TAB2: variants seen among roughly 807,000 people sequenced by gnomAD.
TAB2 encodes TGF-beta-activated kinase 1 and MAP3K7-binding protein 2.
TAB2 carries 3 observed loss-of-function variants against 65.0 expected under a neutral mutation model. The observed-to-expected ratio is 0.05, with a 90% CI of 0.02 to 0.12. The LOEUF is 0.12. Among genes scored for constraint, TAB2 ranks in the 10% least tolerant of loss-of-function variants. The probability of loss-of-function intolerance (pLI) is 1.00; values close to 1 mark genes in which losing one functional copy is unlikely to be tolerated. For missense variants in TAB2, 623 were observed against 840.3 expected, an observed-to-expected ratio of 0.74 and a Z score of 3.20; for synonymous variants, 298 against 285.1, an observed-to-expected ratio of 1.05 and a Z score of -0.46.
intron 1 of TAB2, among the ~76,000 whole-genome samples, chr6:149,268,728 G>A (rs1281515620): frequency 6.6e-6 from 1 of 152,216 alleles, no homozygotes; most frequent in African/African-American, 2.4e-5. Context: ...ACTTGCTGTG[G>A]TGGAGTATGC....
chr6:149,376,694 C>T (rs183806223), intron 2 of TAB2, among the ~76,000 whole-genome samples: 156 of 152,332 alleles, frequency 1.0e-3, no homozygotes, highest in South Asian at 3.5e-3. Flanking sequence ...GGCATGTACT[C>T]ATGTTACCTT....
chr6:149,397,235 A>G (rs574750016), intron 3 of TAB2, among the ~76,000 whole-genome samples: 1 of 152,338 alleles, frequency 6.6e-6, no homozygotes, highest in African/African-American at 2.4e-5. Flanking sequence ...TGGGGTCCAG[A>G]GTTCGAGACC....
At chr6:149,405,358 G>A (rs1229799311) in intron 6 of TAB2, among the ~76,000 whole-genome samples, 3 of 152,166 alleles carry the variant, frequency 2.0e-5, no homozygotes, top group African/African-American at 7.2e-5. Context: ...CAGCATGCAG[G>A]TTCAAAAACT....
At chr6:149,386,025 C>G (rs1193007040) in intron 3 of TAB2, among the ~76,000 whole-genome samples, 1 of 152,068 alleles carries the variant, frequency 6.6e-6, no homozygotes. Context: ...ATCCCCTTCC[C>G]ATTATATTCC....
chr6:149,312,856 A>T (rs1779188854), upstream of TAB2, among the ~76,000 whole-genome samples: 1 of 152,220 alleles, frequency 6.6e-6, no homozygotes, highest in Non-Finnish European at 1.5e-5. Context: ...GTTATTTTTT[A>T]TGGTGAGAAC....
chr6:149,302,953 T>C (rs1202124577), intron 1 of TAB2, among the ~76,000 whole-genome samples: 2 of 152,256 alleles, frequency 1.3e-5, no homozygotes, highest in African/African-American at 4.8e-5. Flanking sequence ...TCCTGAGCTC[T>C]GCCTCCTGTC....
chr6:149,326,930 A>G (rs2114742282), intron 1 of TAB2, among the ~76,000 whole-genome samples: 1 of 152,342 alleles, frequency 6.6e-6, no homozygotes, highest in South Asian at 2.1e-4. Flanking sequence ...TAACATTTTC[A>G]CATCCTTTTG....
intron 1 of TAB2, chr6:149,247,766 T>C (rs1463812678): frequency 1.3e-5 from 2 of 152,206 alleles, no homozygotes; most frequent in African/African-American, 4.8e-5. Flanking sequence ...CAGGGAGAAG[T>C]GCATCCAGTC....
intron 1 of TAB2, among the ~76,000 whole-genome samples, chr6:149,290,771 G>A (rs1778761846): frequency 6.6e-6 from 1 of 152,190 alleles, no homozygotes; most frequent in South Asian, 2.1e-4. Context: ...CTTGAGCCTG[G>A]GAGGCAGAGG....
rs767642464 is a variant in TAB2, at chr6:149,324,202, C to CAG, written c.-90+6203_-90+6204dup. Among the ~76,000 whole-genome samples the CAG allele has an allele frequency of 1.8e-3, 265 of 149,888 alleles. 1 individual carries two copies. Among genetic ancestry groups the CAG allele is most frequent in the South Asian group, 3.6e-3 (17 of 4,762 alleles). On this transcript the variant is annotated intron_variant, in intron 1 of 6. Coordinates refer to ENST00000637181, the MANE Select transcript of TAB2 (RefSeq NM_001292034.3). ...TAAAGTAGAGGTTGGAAAGGTCCTG[C>CAG]AGAGAGAGAGAGAGAGAAGCAGCAA...
At position 149,378,062 on chromosome 6, in the gene TAB2, G is replaced by A; in HGVS notation, c.147G>A (p.Glu49=). Residue 49 remains glutamate, a synonymous_variant, in exon 3 of 7, where the codon GAG becomes GAA. Transcript: ENST00000637181. ...LDACCAVLSQ[E]STRYLYGEGD... is the part of the protein sequence containing the mutation. ...CCTGCTGTGCTGTTCTCTCTCAGGAGAGTACAAGATATCTTTATGGTGAAG... is the reference window on the plus strand; with the variant it reads ...CCTGCTGTGCTGTTCTCTCTCAGGAAAGTACAAGATATCTTTATGGTGAAG... 2 of 1,614,118 alleles carry A rather than the reference G, an allele frequency of 1.2e-6. No individual in the cohort carries two copies. The highest frequency in any genetic ancestry group is 1.7e-6 in the Non-Finnish European group (2 of 1,179,988).
chr6:149,364,938 TAAG>T (rs1780991791), intron 1 of TAB2, among the ~76,000 whole-genome samples: 1 of 151,968 alleles, frequency 6.6e-6, no homozygotes. Context: ...TAATAGTTAC[TAAG>T]AAATCAAAAA....
chr6:149,397,382 A>G (rs1211076299), intron 3 of TAB2, among the ~76,000 whole-genome samples: 1 of 152,090 alleles, frequency 6.6e-6, no homozygotes, highest in African/African-American at 2.4e-5. Context: ...CAGAGGTTGC[A>G]CTGAGCCGAG....
At chr6:149,221,643 T>C (rs1777151098) in intron 1 of TAB2, among the ~76,000 whole-genome samples, 1 of 152,188 alleles carries the variant, frequency 6.6e-6, no homozygotes, top group African/African-American at 2.4e-5. Flanking sequence ...CACTCTCTGA[T>C]TGTGGCTCTT....
chr6:149,241,180 G>A (rs369668985), intron 1 of TAB2, among the ~76,000 whole-genome samples: 22 of 152,124 alleles, frequency 1.4e-4, no homozygotes, highest in Admixed American at 5.2e-4. Flanking sequence ...TCCCAGCCCC[G>A]AGAACTGGGA....
At chr6:149,309,553 C>A (rs149804383) in intron 1 of TAB2, among the ~76,000 whole-genome samples, 1 of 151,200 alleles carries the variant, frequency 6.6e-6, no homozygotes, top group Non-Finnish European at 1.5e-5. Flanking sequence ...CCCGCCACCA[C>A]GCCCGGCTAA....
At chr6:149,397,789 A>AC in intron 4 of TAB2, 25 bp downstream of exon 4, 1 of 1,611,684 alleles carries the variant, frequency 6.2e-7, no homozygotes, top group Non-Finnish European at 8.5e-7. Flanking sequence ...AACTGTTGTG[A>AC]TCTCTGCTTG....
intron 1 of TAB2, among the ~76,000 whole-genome samples, chr6:149,293,797 G>C (rs1384314448): frequency 6.6e-6 from 1 of 152,054 alleles, no homozygotes; most frequent in Non-Finnish European, 1.5e-5. Flanking sequence ...TACATCATCT[G>C]ATAATATGAA....
At chr6:149,332,277 T>C (rs950875192) in intron 1 of TAB2, among the ~76,000 whole-genome samples, 4 of 152,160 alleles carry the variant, frequency 2.6e-5, no homozygotes, top group Non-Finnish European at 5.9e-5. Context: ...ACTAGAAATA[T>C]GAATTTGGGA....
Sources: allele counts gnomAD v4.1 joint callset (sites outside exome capture counted in the v4.1 genomes callset), GRCh38; gene constraint gnomAD v4.1.1; transcripts MANE v1.5; gene names NCBI Gene and HGNC (gene_info 2026-07-23, HGNC 2026-07-21).